Variants in ASCL5 observed in about 807,000 individuals in gnomAD.
ASCL5 encodes the protein achaete-scute family bHLH transcription factor 5, also known as achaete-scute homolog 5.
For missense variants in ASCL5, 262 were observed against 268.9 expected (o/e 0.97, Z 0.18); for synonymous variants, 124 against 131.5 (o/e 0.94, Z 0.39).
chr1:201,114,794 G>A lies in ASCL5; in HGVS notation c.579C>T (p.Phe193=). 1 of 1,229,200 alleles carries A rather than the reference G, an allele frequency of 8.1e-7. No individual in the cohort carries two copies. Among genetic ancestry groups the A allele is most frequent in the Non-Finnish European group, 1.0e-6 (1 of 986,366 alleles). 76.1% of individuals were successfully genotyped at this position (1,229,200 alleles called of 1,614,324 possible). ...CCGACTCCAAGAAAGGCGACGGGGAGAAGCAGGAGGACTCGGATGACTCCG... is the reference window on the plus strand; with the variant it reads ...CCGACTCCAAGAAAGGCGACGGGGAAAAGCAGGAGGACTCGGATGACTCCG... The part of the protein sequence containing the change: ...LVPESSESSC[F]SPSPFLESEE... Residue 193 remains phenylalanine, a synonymous_variant, in exon 2 of 2, where the codon TTC becomes TTT. Transcript: ENST00000449188.
chr1:201,115,378 C>A lies in ASCL5; in HGVS notation c.-6G>T. 1 of 1,231,514 alleles carries A rather than the reference C, an allele frequency of 8.1e-7. No homozygotes were observed. Among genetic ancestry groups the A allele is most frequent in the Non-Finnish European group, 1.0e-6 (1 of 987,810 alleles). 76.3% of individuals were successfully genotyped at this position (1,231,514 alleles called of 1,614,324 possible). A position where few individuals can be genotyped will look rare whatever the true frequency, so the allele number is the denominator to read the frequency against. On this transcript the variant is annotated 5_prime_UTR_variant, in exon 2 of 2. Transcript: ENST00000449188. The stretch of plus-strand genomic sequence containing the variant: ...CGGCAGAAGTTATTGTTCATGGTGC[C>A]GCGTGGAGCTGGACCCAGAGCGAGG...
At chr1:201,117,471 G>A (rs1041931440) in intron 1 of ASCL5, among the ~76,000 whole-genome samples, 1 of 151,954 alleles carries the variant, frequency 6.6e-6, no homozygotes, top group African/African-American at 2.4e-5. Context: ...TGAGAATTCA[G>A]GACAAATTCA....
At chr1:201,121,163 C>G (rs529190484) in intron 1 of ASCL5, among the ~76,000 whole-genome samples, 1 of 152,342 alleles carries the variant, frequency 6.6e-6, no homozygotes, top group Admixed American at 6.5e-5. Context: ...CTGGGAAGCC[C>G]TGCAGGTAAA....
chr1:201,118,484 CAAGAAA>C (rs1663390630), intron 1 of ASCL5, among the ~76,000 whole-genome samples: 1 of 108,122 alleles, frequency 9.2e-6, no homozygotes, highest in Non-Finnish European at 1.9e-5. Flanking sequence ...GACCCTGTCT[CAAGAAA>C]AAAAAAAAAA....
Position 201,115,009 on chromosome 1 carries a change from C to G in ASCL5, c.364G>C (p.Val122Leu). The change falls in exon 2 of 2, where the codon GTG becomes CTG. Residue 122 changes from valine to leucine, a missense_variant. By Grantham distance (32) the Val-to-Leu change is conservative. Transcript: ENST00000449188. ...CGGATGGCGGCGCGCAGCGTCTCCA[C>G]CTTGCTGAGTCGCTTCTCAGCCAGG... is the stretch of plus-strand genomic sequence containing the variant. ...GALAEKRLSK[V>L]ETLRAAIRYI... 1 of 1,231,866 alleles carries G rather than the reference C, an allele frequency of 8.1e-7. No homozygotes were observed. Among genetic ancestry groups the G allele is most frequent in the East Asian group, 3.2e-5 (1 of 31,692 alleles). The allele number at this position is 1,231,866 out of a possible 1,614,324, so 76.3% of individuals were successfully genotyped here. A position where few individuals can be genotyped will look rare whatever the true frequency, so the allele number is the denominator to read the frequency against.
chr1:201,120,088 C>G (rs891440208), intron 1 of ASCL5, among the ~76,000 whole-genome samples: 2 of 152,206 alleles, frequency 1.3e-5, no homozygotes, highest in African/African-American at 4.8e-5. Flanking sequence ...GGCCTGCAGT[C>G]TACGCTCAGT....
At position 201,115,287 on chromosome 1, in the gene ASCL5, G is replaced by A. The variant is rs983661904; in HGVS notation, c.86C>T (p.Pro29Leu). 49 of 1,230,850 alleles carry A rather than the reference G, an allele frequency of 4.0e-5. No individual in the cohort carries two copies. The highest frequency in any genetic ancestry group is 4.5e-5 in the Non-Finnish European group (44 of 987,360). 76.2% of individuals were successfully genotyped at this position (1,230,850 alleles called of 1,614,324 possible). A position where few individuals can be genotyped will look rare whatever the true frequency, so the allele number is the denominator to read the frequency against. ...GGCGGGGGGCAGGGGCGCCTGCCGG[G>A]GAGGGGGCATGACGCCCAGCTGCAT... ...SCMQLGVMPPPRQAPLPPAEP... is the reference protein window; with the variant it reads ...SCMQLGVMPPLRQAPLPPAEP... Residue 29 changes from proline to leucine, a missense_variant, in exon 2 of 2, where the codon CCC becomes CTC. Transcript: ENST00000449188.
At chr1:201,126,780 G>A (rs1435065976) in intron 1 of ASCL5, among the ~76,000 whole-genome samples, 1 of 152,122 alleles carries the variant, frequency 6.6e-6, no homozygotes, top group Admixed American at 6.5e-5. Flanking sequence ...TCAGACCCAG[G>A]CCTAGCTCTC....
chr1:201,125,297 C>G (rs928762986), intron 1 of ASCL5, among the ~76,000 whole-genome samples: 10 of 152,206 alleles, frequency 6.6e-5, no homozygotes, highest in African/African-American at 2.4e-4. Context: ...ATCTAGGTTC[C>G]CAGCAGTCTG....
At chr1:201,121,602 C>T (rs1017766457) in intron 1 of ASCL5, among the ~76,000 whole-genome samples, 2 of 152,160 alleles carry the variant, frequency 1.3e-5, no homozygotes, top group African/African-American at 2.4e-5. Context: ...AAAAAAATCT[C>T]TCATTAAATA....
chr1:201,122,852 A>G (rs1342728695), intron 1 of ASCL5, among the ~76,000 whole-genome samples: 2 of 152,238 alleles, frequency 1.3e-5, no homozygotes, highest in East Asian at 3.8e-4. Context: ...CTGGCTAAGT[A>G]GCTTTAGGCC....
chr1:201,120,643 A>G (rs1646927276), intron 1 of ASCL5, among the ~76,000 whole-genome samples: 1 of 152,202 alleles, frequency 6.6e-6, no homozygotes, highest in African/African-American at 2.4e-5. Flanking sequence ...AGGCAAAGGC[A>G]GATGTGAACT....
At chr1:201,118,123 C>G (rs2102199932) in intron 1 of ASCL5, among the ~76,000 whole-genome samples, 1 of 152,242 alleles carries the variant, frequency 6.6e-6, no homozygotes, top group South Asian at 2.1e-4. Context: ...AAAGGTGATT[C>G]AAACAAGAAA....
chr1:201,125,861 G>T (rs1431811798), intron 1 of ASCL5, among the ~76,000 whole-genome samples: 1 of 152,164 alleles, frequency 6.6e-6, no homozygotes, highest in Non-Finnish European at 1.5e-5. Context: ...CAAAGCAGGT[G>T]GTCTCACGAG....
intron 1 of ASCL5, among the ~76,000 whole-genome samples, chr1:201,121,468 C>T (rs976358231): frequency 6.6e-6 from 1 of 152,080 alleles, no homozygotes; most frequent in African/African-American, 2.4e-5. Context: ...CTACATTTTC[C>T]TTTAGGAATT....
chr1:201,126,191 A>G (rs538404941), intron 1 of ASCL5, among the ~76,000 whole-genome samples: 7 of 151,984 alleles, frequency 4.6e-5, no homozygotes, highest in Non-Finnish European at 8.8e-5. Flanking sequence ...GCTGGAGAGC[A>G]GTGGGACGAT....
At chr1:201,125,608 T>C (rs766730116) in intron 1 of ASCL5, among the ~76,000 whole-genome samples, 2 of 152,226 alleles carry the variant, frequency 1.3e-5, no homozygotes, top group African/African-American at 4.8e-5. Context: ...TCATAGTTCA[T>C]TGGCGTGCCC....
At chr1:201,121,457 G>A (rs1372967864) in intron 1 of ASCL5, among the ~76,000 whole-genome samples, 5 of 152,066 alleles carry the variant, frequency 3.3e-5, no homozygotes, top group South Asian at 2.1e-4. Flanking sequence ...CTTACTCACC[G>A]CTACATTTTC....
chr1:201,122,836 C>T (rs896039763), intron 1 of ASCL5, among the ~76,000 whole-genome samples: 4 of 152,184 alleles, frequency 2.6e-5, no homozygotes, highest in Non-Finnish European at 4.4e-5. Flanking sequence ...CCTGGCGCTG[C>T]TCTTACTGGC....
Sources: allele counts gnomAD v4.1 joint callset (sites outside exome capture counted in the v4.1 genomes callset), GRCh38; gene constraint gnomAD v4.1.1; transcripts MANE v1.5; gene names NCBI Gene and HGNC (gene_info 2026-07-23, HGNC 2026-07-21).